ARHGAP40: variants seen among roughly 807,000 people sequenced by gnomAD.
The protein encoded by ARHGAP40 is rho GTPase-activating protein 40.
In ARHGAP40, 43 loss-of-function variants were observed where a neutral mutation model predicts 73.5. The ratio of observed to expected loss-of-function variants is 0.58; its 90% CI spans 0.46 to 0.75. The LOEUF is 0.75. ARHGAP40 is among the 30% of genes least tolerant of loss of function. The pLI, the probability that ARHGAP40 is intolerant of heterozygous loss-of-function variation, is 0.00. For synonymous variants in ARHGAP40, 300 were observed against 352.8 expected, an observed-to-expected ratio of 0.85 and a Z score of 1.68; for missense variants, 734 against 861.8, an observed-to-expected ratio of 0.85 and a Z score of 1.86.
chr20:38,627,505 CTGTG>C (rs1263042653), intron 3 of ARHGAP40, among the ~76,000 whole-genome samples: 2 of 78,572 alleles, frequency 2.5e-5, no homozygotes, highest in Non-Finnish European at 5.9e-5. Context: ...ATGTTGGTGT[CTGTG>C]TGTTGGTATG....
intron 1 of ARHGAP40, among the ~76,000 whole-genome samples, chr20:38,610,238 C>G (rs2088796612): frequency 6.6e-6 from 1 of 151,456 alleles, no homozygotes; most frequent in Non-Finnish European, 1.5e-5. Flanking sequence ...AAAAGCTCCC[C>G]CCACTGTGCC....
intron 5 of ARHGAP40, among the ~76,000 whole-genome samples, chr20:38,632,166 G>T (rs2088943680): frequency 6.6e-6 from 1 of 152,002 alleles, no homozygotes; most frequent in Non-Finnish European, 1.5e-5. Context: ...GTTTCTCCAT[G>T]TTGGCCAGGC....
chr20:38,611,682 C>T (rs990307712), intron 1 of ARHGAP40, among the ~76,000 whole-genome samples: 1 of 152,110 alleles, frequency 6.6e-6, no homozygotes, highest in African/African-American at 2.4e-5. Flanking sequence ...CGCCATTCTC[C>T]TGCCTCAGCC....
Position 38,648,718 on chromosome 20 carries a change from A to G in ARHGAP40, c.1936+20A>G, listed in dbSNP as rs903636069. The stretch of plus-strand genomic sequence containing the variant: ...ATATCAGTAAGTTCCACTGTGGGAA[A>G]CAGGAACAGAGCCCGGGTCCCTGGG... On this transcript the variant is annotated intron_variant, in intron 14 of 14. Transcript: ENST00000373345. 7.7e-7 allele frequency: 1 copy of G among 1,305,060 alleles called. No homozygotes were observed. Among genetic ancestry groups the G allele is most frequent in the African/African-American group, 1.5e-5 (1 of 65,846 alleles). The allele number at this position is 1,305,060 out of a possible 1,614,324, so 80.8% of individuals were successfully genotyped here.
intron 1 of ARHGAP40, among the ~76,000 whole-genome samples, chr20:38,614,417 A>G (rs1270664118): frequency 1.3e-5 from 2 of 152,076 alleles, no homozygotes; most frequent in Non-Finnish European, 2.9e-5. Context: ...GAGCATAAGC[A>G]CTGGTCAGCA....
chr20:38,629,568 A>G (rs1361136418), exon 5 of ARHGAP40: 1 of 1,305,356 alleles, frequency 7.7e-7, no homozygotes, highest in African/African-American at 1.5e-5. Context: ...GACTCTGCCT[A>G]CTCAGAACAA....
intron 7 of ARHGAP40, among the ~76,000 whole-genome samples, chr20:38,638,316 A>C (rs2145610969): frequency 6.6e-6 from 1 of 152,264 alleles, no homozygotes; most frequent in Admixed American, 6.5e-5. Flanking sequence ...CTCTCTCAAA[A>C]AATACATAAG....
rs928636908 is a variant in ARHGAP40 at position 38,603,415 on chromosome 20, A to G, written c.137+1336A>G. On this transcript the variant is annotated intron_variant, in intron 1 of 14. Coordinates refer to ENST00000373345, the Ensembl canonical transcript of ARHGAP40. The stretch of plus-strand genomic sequence containing the variant: ...GACAAGTTTGTTTATCTGTCTATCT[A>G]TCTATCTATCTATCTATCTATCTAT... 1.5e-4 allele frequency among the ~76,000 whole-genome samples: 10 copies of G among 66,250 alleles called. No individual in the cohort carries two copies. The South Asian group carries it at 2.2e-3, about 14-fold the overall frequency. 43.5% of individuals were successfully genotyped at this position (66,250 alleles called of 152,430 possible).
At chr20:38,609,271 T>G (rs1227167547) in intron 1 of ARHGAP40, among the ~76,000 whole-genome samples, 2 of 152,130 alleles carry the variant, frequency 1.3e-5, no homozygotes, top group Non-Finnish European at 2.9e-5. Flanking sequence ...CTTAGATCAG[T>G]GCCTTGGAGT....
At chr20:38,637,169 G>A (rs556498280) in intron 6 of ARHGAP40, among the ~76,000 whole-genome samples, 7 of 150,602 alleles carry the variant, frequency 4.6e-5, no homozygotes, top group African/African-American at 1.7e-4. Flanking sequence ...CTGTGAGACA[G>A]AACTTTGCTC....
intron 1 of ARHGAP40, 42 bp downstream of exon 1, chr20:38,602,121 T>C (rs905058802): frequency 9.5e-6 from 12 of 1,257,740 alleles, no homozygotes; most frequent in Non-Finnish European, 1.2e-5. Flanking sequence ...GGCCCTACTA[T>C]GCACCAGGGG....
intron 5 of ARHGAP40, among the ~76,000 whole-genome samples, chr20:38,633,728 C>T (rs2088955780): frequency 6.6e-6 from 1 of 152,224 alleles, no homozygotes; most frequent in South Asian, 2.1e-4. Context: ...CAGTGCTGAG[C>T]AAGCCTGGCC....
chr20:38,629,359 C>T (rs2088922897), intron 4 of ARHGAP40, 143 bp from the exon 5 acceptor site: 4 of 850,422 alleles, frequency 4.7e-6, no homozygotes, highest in Non-Finnish European at 4.8e-6. Flanking sequence ...AGCCCTAAAC[C>T]TAATGATTTG....
At chr20:38,647,169 G>A (rs1415908245) in intron 13 of ARHGAP40, 43 bp downstream of exon 13, 3 of 1,285,556 alleles carry the variant, frequency 2.3e-6, no homozygotes, top group Non-Finnish European at 3.1e-6. Flanking sequence ...TCCCTGCAGG[G>A]AGGGCTCTGC....
In ARHGAP40 at chr20:38,638,247, G is replaced by A. The variant is rs559622352; in HGVS notation, c.1041+448G>A. 3.9e-5 allele frequency among the ~76,000 whole-genome samples: 6 copies of A among 152,080 alleles called. No individual in the cohort carries two copies. The East Asian group carries it at 7.7e-4, about 20-fold the overall frequency. ...GGAGAACGGTGTGAACCCAGGAGGC[G>A]GAGCTTGCAGTGAGCCGAGATCGCG... On this transcript the variant is annotated intron_variant, in intron 7 of 14. Coordinates refer to ENST00000373345, the Ensembl canonical transcript of ARHGAP40.
In ARHGAP40 at chr20:38,614,246, C is replaced by T. The variant is rs112221731; in HGVS notation, c.138-9113C>T. Among the ~76,000 whole-genome samples the T allele has an allele frequency of 2.9e-3, 448 of 152,338 alleles. 5 individuals are homozygous for T. Among genetic ancestry groups the T allele is most frequent in the African/African-American group, 0.01 (425 of 41,574 alleles). ...GTCCTGAGGCAACAGAGGAGAGACC[C>T]TCTTCATAGGCACACATGGCTATGT... On this transcript the variant is annotated intron_variant, in intron 1 of 14. Transcript: ENST00000373345.
In ARHGAP40 at chr20:38,647,383, T is replaced by G. The variant is rs566315124; in HGVS notation, c.1880+257T>G. Among the ~76,000 whole-genome samples the G allele has an allele frequency of 8.8e-5, 13 of 147,442 alleles. No homozygotes were observed. In the East Asian group the frequency reaches 1.2e-3, roughly 13 times the overall value. The stretch of plus-strand genomic sequence containing the variant: ...CAGGCACCATGTTTTTCTGTTGGTT[T>G]GTTTGTTTGTTTGTTTGTTTGTTTT... On this transcript the variant is annotated intron_variant, in intron 13 of 14. Transcript: ENST00000373345.
Position 38,646,182 on chromosome 20 carries a change from G to A in ARHGAP40, c.1705G>A (p.Glu569Lys). Residue 569 changes from glutamate (E) to lysine (K), a missense_variant, in exon 12 of 15, where the codon GAG becomes AAG. Physicochemically the swap from Glu to Lys is moderately conservative, Grantham distance 56. Coordinates refer to ENST00000373345, the Ensembl canonical transcript of ARHGAP40. The surrounding 1 kb of genome is among the most constrained non-coding windows in gnomAD (Gnocchi z 4.5). ...CAGGGACAAGGCGGGGGACGGCCTC[G>A]AGGCGGTGAGTGCCCCCGACCCCAG... 7.7e-7 allele frequency: 1 copy of A among 1,301,078 alleles called. No individual in the cohort carries two copies. The highest frequency in any genetic ancestry group is 1.0e-6 in the Non-Finnish European group (1 of 986,976). The allele number at this position is 1,301,078 out of a possible 1,614,324, so 80.6% of individuals were successfully genotyped here. A position where few individuals can be genotyped will look rare whatever the true frequency, so the allele number is the denominator to read the frequency against.
chr20:38,608,618 T>C (rs963838610), intron 1 of ARHGAP40, among the ~76,000 whole-genome samples: 2 of 152,174 alleles, frequency 1.3e-5, no homozygotes, highest in African/African-American at 2.4e-5. Context: ...GCCCAGACAG[T>C]GTGACTTCAG....
Sources: gnomAD v4.1 joint callset for allele counts (sites outside exome capture counted in the v4.1 genomes callset) on GRCh38, gnomAD v4.1.1 for gene constraint, Gnocchi (gnomAD v3.1) non-coding constraint, MANE v1.5 for transcripts, NCBI Gene and HGNC (gene_info 2026-07-23, HGNC 2026-07-21) for gene names.